Variants in EFNA5 observed in about 807,000 individuals in gnomAD.
EFNA5 encodes the protein ephrin A5.
In EFNA5, 5 loss-of-function variants were observed where a neutral mutation model predicts 22.9. The ratio of observed to expected loss-of-function variants is 0.22; its 90% confidence interval spans 0.11 to 0.46. EFNA5 has a LOEUF of 0.46. EFNA5 is among the 20% of genes least tolerant of loss of function. The probability of loss-of-function intolerance (pLI) is 0.99; values close to 1 mark genes in which losing one functional copy is unlikely to be tolerated. For missense variants in EFNA5, 237 were observed against 293.3 expected (o/e 0.81, Z 1.40); for synonymous variants, 113 against 112.2 (o/e 1.01, Z -0.04).
chr5:107,490,470 C>CA (rs537251795), intron 1 of EFNA5, among the ~76,000 whole-genome samples: 2 of 151,974 alleles, frequency 1.3e-5, no homozygotes, highest in Non-Finnish European at 2.9e-5. Flanking sequence ...TGACATTTTC[C>CA]AAAAAAAGAA....
At chr5:107,401,435 T>C (rs1245039094) in intron 2 of EFNA5, among the ~76,000 whole-genome samples, 1 of 152,242 alleles carries the variant, frequency 6.6e-6, no homozygotes, top group Non-Finnish European at 1.5e-5. Context: ...GTGTAACTCA[T>C]ATTTCTATTC....
chr5:107,399,161 G>C (rs1205385460), intron 2 of EFNA5, among the ~76,000 whole-genome samples: 1 of 151,804 alleles, frequency 6.6e-6, no homozygotes, highest in East Asian at 1.9e-4. Context: ...TAAGAAATAA[G>C]TGAAAGGAGG....
intron 1 of EFNA5, among the ~76,000 whole-genome samples, chr5:107,542,339 A>G (rs1748065865): frequency 6.6e-6 from 1 of 152,222 alleles, no homozygotes; most frequent in African/African-American, 2.4e-5. Context: ...CTCTGGTCCT[A>G]TAGGCACAGT....
intron 2 of EFNA5, among the ~76,000 whole-genome samples, chr5:107,405,689 T>A (rs1236609210): frequency 6.6e-6 from 1 of 152,018 alleles, no homozygotes; most frequent in African/African-American, 2.4e-5. Flanking sequence ...GTGATCCTGG[T>A]GGAAACTAAG....
chr5:107,469,618 A>C (rs1403778202), intron 1 of EFNA5, among the ~76,000 whole-genome samples: 2 of 152,136 alleles, frequency 1.3e-5, no homozygotes, highest in East Asian at 3.9e-4. Flanking sequence ...TCAACACTCA[A>C]ACAGGATGTC....
chr5:107,634,388 G>GC (rs1399375052), intron 1 of EFNA5, among the ~76,000 whole-genome samples: 1 of 152,140 alleles, frequency 6.6e-6, no homozygotes, highest in African/African-American at 2.4e-5. Context: ...ATGGTGGTAT[G>GC]CATCTGTGGT....
chr5:107,660,183 C>T (rs1311563246), intron 1 of EFNA5, among the ~76,000 whole-genome samples: 2 of 147,196 alleles, frequency 1.4e-5, no homozygotes, highest in African/African-American at 2.5e-5. Context: ...ACACTAATAA[C>T]AGGCATTTAA....
intron 1 of EFNA5, among the ~76,000 whole-genome samples, chr5:107,604,314 G>A (rs1209981873): frequency 2.0e-5 from 3 of 151,912 alleles, no homozygotes; most frequent in Non-Finnish European, 4.4e-5. Context: ...CGAGTAGCTG[G>A]GACCATGTAT....
At chr5:107,628,147 T>A (rs1262524382) in intron 1 of EFNA5, among the ~76,000 whole-genome samples, 1 of 152,174 alleles carries the variant, frequency 6.6e-6, no homozygotes, top group Non-Finnish European at 1.5e-5. Context: ...CAGATAGGAA[T>A]AACGATGCAC....
intron 1 of EFNA5, among the ~76,000 whole-genome samples, chr5:107,492,119 G>GCCA (rs1746821886): frequency 6.6e-6 from 1 of 152,112 alleles, no homozygotes; most frequent in Non-Finnish European, 1.5e-5. Context: ...ACAGGTATGA[G>GCCA]CCACCACCCC....
intron 1 of EFNA5, among the ~76,000 whole-genome samples, chr5:107,434,512 G>A (rs1168438562): frequency 6.6e-6 from 1 of 152,148 alleles, no homozygotes; most frequent in Non-Finnish European, 1.5e-5. Flanking sequence ...AAGCCAAAAT[G>A]CATTTCATTT....
chr5:107,497,129 G>A (rs769999200), intron 1 of EFNA5, among the ~76,000 whole-genome samples: 4 of 152,190 alleles, frequency 2.6e-5, no homozygotes, highest in African/African-American at 4.8e-5. Context: ...ATGGTATCGC[G>A]AGCAAAGCAT....
intron 1 of EFNA5, among the ~76,000 whole-genome samples, chr5:107,441,463 C>T (rs1212400638): frequency 6.6e-6 from 1 of 152,178 alleles, no homozygotes; most frequent in African/African-American, 2.4e-5. Context: ...GGCAGTGAAG[C>T]TGTGCTGGAA....
intron 1 of EFNA5, among the ~76,000 whole-genome samples, chr5:107,635,726 A>G (rs1255560887): frequency 2.0e-5 from 3 of 152,216 alleles, no homozygotes; most frequent in African/African-American, 7.2e-5. Context: ...GAGAGGGTTC[A>G]CTACATTTAA....
intron 1 of EFNA5, among the ~76,000 whole-genome samples, chr5:107,603,944 G>C (rs1465796029): frequency 6.6e-6 from 1 of 152,144 alleles, no homozygotes; most frequent in East Asian, 1.9e-4. Context: ...GCTGTGATAG[G>C]TTTATCCCTT....
chr5:107,389,673 T>G (rs779538096), intron 2 of EFNA5, among the ~76,000 whole-genome samples: 51 of 152,148 alleles, frequency 3.4e-4, no homozygotes, highest in Non-Finnish European at 6.6e-4. Flanking sequence ...ATCCAGGACA[T>G]GAAAATTATT....
In EFNA5 at chr5:107,387,688, T is replaced by C. The variant is rs375415062; in HGVS notation, c.484+18A>G. 1 of 1,596,114 alleles carries C rather than the reference T, an allele frequency of 6.3e-7. No individual in the cohort carries two copies. Among genetic ancestry groups the C allele is most frequent in the Non-Finnish European group, 8.6e-7 (1 of 1,166,810 alleles). On this transcript the variant is annotated intron_variant, in intron 3 of 4. Transcript: ENST00000333274. ...GCGCGGTGAAGCCACCCTCTGAAGC[T>C]CATTCTAGTGAACTTACTTGTTGGT...
At chr5:107,470,520 G>GGA (rs1432789998) in intron 1 of EFNA5, among the ~76,000 whole-genome samples, 1 of 152,156 alleles carries the variant, frequency 6.6e-6, no homozygotes, top group Non-Finnish European at 1.5e-5. Context: ...GATTAAAATT[G>GGA]GAGGACTAAA....
At chr5:107,488,695 A>C (rs1746714563) in intron 1 of EFNA5, among the ~76,000 whole-genome samples, 2 of 150,794 alleles carry the variant, frequency 1.3e-5, no homozygotes, top group Admixed American at 1.3e-4. Context: ...AAACAAAAAA[A>C]CTCTTTTTTT....
Sources: gnomAD v4.1 joint callset for allele counts (sites outside exome capture counted in the v4.1 genomes callset) on GRCh38, gnomAD v4.1.1 for gene constraint, MANE v1.5 for transcripts, NCBI Gene and HGNC (gene_info 2026-07-23, HGNC 2026-07-21) for gene names.